Variants in MAP2K1 observed in about 807,000 individuals in gnomAD.
The protein encoded by MAP2K1 is dual specificity mitogen-activated protein kinase kinase 1.
Under a neutral mutation model 46.3 loss-of-function variants are expected in MAP2K1, and 16 were observed. The observed-to-expected ratio is 0.35, with a 90% CI of 0.23 to 0.52. The LOEUF is 0.52. Ranked by LOEUF, MAP2K1 falls within the 20% of genes least tolerant of loss-of-function variation. MAP2K1 has a pLI of 0.94. For missense variants in MAP2K1, 263 were observed against 497.1 expected (o/e 0.53, Z 4.48); for synonymous variants, 183 against 185.6 (o/e 0.99, Z 0.11).
rs1164884301 is a variant in MAP2K1, at chr15:66,490,769, T to A, written c.*154T>A. On this transcript the variant is annotated 3_prime_UTR_variant, in exon 11 of 11. Transcript: ENST00000307102. ...ATGTGCCAAGATTCTACTCTTGTCA[T>A]TTTTAATATTACTGTCTTTATTCTT... The A allele has an allele frequency of 1.4e-6, 1 of 707,256 alleles. No individual in the cohort carries two copies. The highest frequency in any genetic ancestry group is 1.7e-5 in the African/African-American group (1 of 57,228). The allele number at this position is 707,256 out of a possible 1,614,324, so 43.8% of individuals were successfully genotyped here.
intron 1 of MAP2K1, among the ~76,000 whole-genome samples, chr15:66,411,877 A>G (rs981308904): frequency 6.6e-6 from 1 of 152,232 alleles, no homozygotes; most frequent in Non-Finnish European, 1.5e-5. Flanking sequence ...GTCCCTTGTG[A>G]TACAGGACAA....
chr15:66,490,549 A>T lies in MAP2K1; in HGVS notation c.1116A>T (p.Ala372=), dbSNP rs1469820569. The T allele has an allele frequency of 1.9e-6, 3 of 1,614,142 alleles. No individual in the cohort carries two copies. The highest frequency in any genetic ancestry group is 2.5e-6 in the Non-Finnish European group (3 of 1,180,008). ...CTGATGCTGAGGAAGTGGATTTTGC[A>T]GGTTGGCTCTGCTCCACCATCGGCC... is the stretch of plus-strand genomic sequence containing the variant. ...KRSDAEEVDF[A]GWLCSTIGLN... The change falls in exon 11 of 11, where the codon GCA becomes GCT. Residue 372 remains alanine, a synonymous_variant. Coordinates refer to ENST00000307102, the MANE Select transcript of MAP2K1 (RefSeq NM_002755.4).
chr15:66,423,399 C>CA lies in MAP2K1; in HGVS notation c.81-11627dup, dbSNP rs528011493. ...ATCTCTTGATAAGGTTGTTCCCCCC[C>CA]ATCCCACTTCCCAACCCTTCTTGAT... On this transcript the variant is annotated intron_variant, in intron 1 of 10. Coordinates refer to ENST00000307102, the MANE Select transcript of MAP2K1 (RefSeq NM_002755.4). 4.0e-3 allele frequency among the ~76,000 whole-genome samples: 601 copies of CA among 151,638 alleles called. 5 individuals are homozygous for CA. The highest frequency in any genetic ancestry group is 0.01 in the Middle Eastern group (3 of 292).
chr15:66,486,936 A>G (rs1014859500), intron 7 of MAP2K1, among the ~76,000 whole-genome samples: 2 of 152,168 alleles, frequency 1.3e-5, no homozygotes, highest in Admixed American at 6.5e-5. Flanking sequence ...AATAGAAGGA[A>G]GGGGGAAAGG....
At chr15:66,429,517 A>G (rs76906202) in intron 1 of MAP2K1, among the ~76,000 whole-genome samples, 16,339 of 152,174 alleles carry the variant, frequency 0.11, 1,072 homozygotes, top group East Asian at 0.34. Flanking sequence ...CAGAGCACAT[A>G]TACACATTCC....
rs1196428468 is a variant in MAP2K1, at chr15:66,428,773, C to CTTTTT, written c.81-6232_81-6228dup. Among the ~76,000 whole-genome samples, 168 of 78,202 alleles carry CTTTTT rather than the reference C, an allele frequency of 2.1e-3. 16 individuals carry two copies. Among genetic ancestry groups the CTTTTT allele is most frequent in the Non-Finnish European group, 2.7e-3 (114 of 42,676 alleles). The allele number at this position is 78,202 out of a possible 152,430, so 51.3% of individuals were successfully genotyped here. A position where few individuals can be genotyped will look rare whatever the true frequency, so the allele number is the denominator to read the frequency against. ...GTTGCCCTTTTTTGAATTTTCTTTCCTTTTTTTTTTTTTTTTTTTTTTTTT... is the reference window on the plus strand; with the variant it reads ...GTTGCCCTTTTTTGAATTTTCTTTCCTTTTTTTTTTTTTTTTTTTTTTTTTTTTTT... On this transcript the variant is annotated intron_variant, in intron 1 of 10. Coordinates refer to ENST00000307102, the MANE Select transcript of MAP2K1 (RefSeq NM_002755.4).
At chr15:66,457,016 C>T (rs1033798053) in intron 5 of MAP2K1, among the ~76,000 whole-genome samples, 34 of 152,230 alleles carry the variant, frequency 2.2e-4, no homozygotes, top group Non-Finnish European at 4.4e-4. Context: ...GCAAACTGGT[C>T]CATGGGCTAA....
intron 1 of MAP2K1, among the ~76,000 whole-genome samples, chr15:66,431,937 C>G (rs1159793021): frequency 6.6e-6 from 1 of 152,186 alleles, no homozygotes; most frequent in Admixed American, 6.5e-5. Flanking sequence ...CTAGTGAGAA[C>G]ATGCGGTATT....
intron 1 of MAP2K1, among the ~76,000 whole-genome samples, chr15:66,392,171 A>G (rs1426389221): frequency 6.6e-6 from 1 of 150,604 alleles, no homozygotes; most frequent in Non-Finnish European, 1.5e-5. Context: ...GCCAGAGCAA[A>G]TCATGTGGCC....
rs143830560 is a variant in MAP2K1 at position 66,469,723 on chromosome 15, C to CACACACACAT, written c.569-12031_569-12030insCACACACATA. ...ACACACACACACACACACACACACACATATCGGATGTTAGCTTTTAATTAA... is the reference window on the plus strand; with the variant it reads ...ACACACACACACACACACACACACACACACACACATATATCGGATGTTAGCTTTTAATTAA... On this transcript the variant is annotated intron_variant, in intron 5 of 10. Coordinates refer to ENST00000307102, the MANE Select transcript of MAP2K1 (RefSeq NM_002755.4). 4.1e-4 allele frequency among the ~76,000 whole-genome samples: 55 copies of CACACACACAT among 134,512 alleles called. 2 individuals carry two copies. Among genetic ancestry groups the CACACACACAT allele is most frequent in the African/African-American group, 6.0e-4 (22 of 36,682 alleles). The allele number at this position is 134,512 out of a possible 152,430, so 88.2% of individuals were successfully genotyped here.
intron 5 of MAP2K1, among the ~76,000 whole-genome samples, chr15:66,468,644 T>C (rs2140644998): frequency 6.6e-6 from 1 of 152,262 alleles, no homozygotes; most frequent in Non-Finnish European, 1.5e-5. Context: ...AAAAAAAATT[T>C]TTTTTTGGCT....
At chr15:66,400,226 G>A (rs1030319557) in intron 1 of MAP2K1, among the ~76,000 whole-genome samples, 1 of 151,704 alleles carries the variant, frequency 6.6e-6, no homozygotes, top group African/African-American at 2.4e-5. Flanking sequence ...TTCTCACTCT[G>A]TTGCCCAGGC....
Position 66,387,340 on chromosome 15 carries a change from G to C in MAP2K1, c.-8G>C. The C allele has an allele frequency of 1.3e-6, 2 of 1,557,142 alleles. No homozygotes were observed. Among genetic ancestry groups the C allele is most frequent in the Non-Finnish European group, 1.7e-6 (2 of 1,149,858 alleles). On this transcript the variant is annotated 5_prime_UTR_variant, in exon 1 of 11. Coordinates refer to ENST00000307102, the MANE Select transcript of MAP2K1 (RefSeq NM_002755.4). ...CCCGGAGTTGGAAGCGCGTTACCCG[G>C]GTCCAAAATGCCCAAGAAGAAGCCG...
chr15:66,438,382 C>G (rs2093494539), intron 3 of MAP2K1, among the ~76,000 whole-genome samples: 1 of 152,126 alleles, frequency 6.6e-6, no homozygotes, highest in South Asian at 2.1e-4. Flanking sequence ...CCACCGTGCC[C>G]AACCAATCTT....
rs560081649 is a variant in MAP2K1 at position 66,490,219 on chromosome 15, C to T, written c.1069-283C>T. The T allele has an allele frequency of 7.0e-6, 4 of 572,670 alleles. No individual in the cohort carries two copies. The East Asian group carries it at 9.6e-5, about 14-fold the overall frequency. The allele number at this position is 572,670 out of a possible 1,614,324, so 35.5% of individuals were successfully genotyped here. Reference sequence around the variant, plus strand: ...GCACTAAGTCCATCATTTTCTTTGTCCCTTCTAACAAGCCTGTGAGGCATT... The same window carrying T: ...GCACTAAGTCCATCATTTTCTTTGTTCCTTCTAACAAGCCTGTGAGGCATT... On this transcript the variant is annotated intron_variant, in intron 10 of 10. Transcript: ENST00000307102.
chr15:66,440,104 G>A (rs959583822), intron 3 of MAP2K1, among the ~76,000 whole-genome samples: 2 of 147,814 alleles, frequency 1.4e-5, no homozygotes, highest in Non-Finnish European at 2.9e-5. Context: ...TTGTTTGTTT[G>A]TTTTTGAGAC....
At chr15:66,392,285 A>T (rs1595834765) in intron 1 of MAP2K1, among the ~76,000 whole-genome samples, 2 of 80,544 alleles carry the variant, frequency 2.5e-5, no homozygotes, top group African/African-American at 1.3e-4. Context: ...TTTTTAAGAA[A>T]GGGTTTCGCT....
chr15:66,446,062 A>G (rs377558916), intron 5 of MAP2K1, among the ~76,000 whole-genome samples: 1 of 152,066 alleles, frequency 6.6e-6, no homozygotes, highest in Non-Finnish European at 1.5e-5. Context: ...TGTCTCTGCT[A>G]AAAGTACCGA....
At chr15:66,417,828 G>C (rs1038629446) in intron 1 of MAP2K1, among the ~76,000 whole-genome samples, 1 of 152,132 alleles carries the variant, frequency 6.6e-6, no homozygotes, top group Non-Finnish European at 1.5e-5. Context: ...AATTTCTCCT[G>C]TGGACTAGAA....
Sources: allele counts gnomAD v4.1 joint callset (sites outside exome capture counted in the v4.1 genomes callset), GRCh38; gene constraint gnomAD v4.1.1; transcripts MANE v1.5; gene names NCBI Gene and HGNC (gene_info 2026-07-23, HGNC 2026-07-21).